Variants in CNBD1 observed in about 807,000 individuals in gnomAD.
The protein encoded by CNBD1 is cyclic nucleotide binding domain containing 1, also known as cyclic nucleotide-binding domain-containing protein 1.
In CNBD1, 71 loss-of-function variants were observed where a neutral mutation model predicts 54.4. The observed-to-expected ratio is 1.30, with a 90% CI of 1.08 to 1.59. The LOEUF (loss-of-function observed/expected upper bound fraction) is 1.59, where lower values mean the gene tolerates loss of function less well. Ranked by LOEUF, CNBD1 falls within the 40% of genes most tolerant of loss-of-function variation. The probability of loss-of-function intolerance (pLI) is 0.00; values close to 1 mark genes in which losing one functional copy is unlikely to be tolerated. For missense variants in CNBD1, 659 were observed against 518.0 expected, an observed-to-expected ratio of 1.27 and a Z score of -2.64; for synonymous variants, 182 against 170.7, an observed-to-expected ratio of 1.07 and a Z score of -0.51.
At chr8:87,385,136 G>A (rs1356851652), downstream of CNBD1, among the ~76,000 whole-genome samples, 1 of 152,096 alleles carries the variant, frequency 6.6e-6, no homozygotes. Flanking sequence ...ATAATGATGG[G>A]GGTGGAGCCA....
intron 10 of CNBD1, among the ~76,000 whole-genome samples, chr8:87,381,980 G>A (rs1811084862): frequency 6.6e-6 from 1 of 151,708 alleles, no homozygotes; most frequent in Admixed American, 6.6e-5. Context: ...AATTTGTGTT[G>A]AGGGTATATC....
chr8:87,274,571 T>C (rs1404891363), intron 6 of CNBD1, among the ~76,000 whole-genome samples: 3 of 147,032 alleles, frequency 2.0e-5, no homozygotes, highest in Non-Finnish European at 4.5e-5. Flanking sequence ...TGTCTTCTTT[T>C]GAGAAGTGTC....
chr8:87,377,780 G>C (rs1810982429), intron 10 of CNBD1, among the ~76,000 whole-genome samples: 2 of 145,958 alleles, frequency 1.4e-5, no homozygotes, highest in Non-Finnish European at 3.0e-5. Context: ...CAGTGTAAAA[G>C]TGTTCCTATT....
intron 8 of CNBD1, among the ~76,000 whole-genome samples, chr8:87,328,069 T>C (rs1305846863): frequency 6.6e-6 from 1 of 152,050 alleles, no homozygotes; most frequent in African/African-American, 2.4e-5. Context: ...GCTGCACCTA[T>C]CAACCCGTCA....
At chr8:86,960,839 C>T (rs1807911114) in intron 4 of CNBD1, among the ~76,000 whole-genome samples, 1 of 152,190 alleles carries the variant, frequency 6.6e-6, no homozygotes, top group African/African-American at 2.4e-5. Flanking sequence ...ATTTGCTGTT[C>T]TGCAGTCTCC....
chr8:87,030,968 C>G (rs1320347127), intron 4 of CNBD1, among the ~76,000 whole-genome samples: 2 of 134,030 alleles, frequency 1.5e-5, no homozygotes, highest in Non-Finnish European at 3.2e-5. Context: ...CTCCCCCCTT[C>G]TTTCTCCTTC....
chr8:87,290,123 C>T (rs945695058), intron 8 of CNBD1, among the ~76,000 whole-genome samples: 6 of 152,084 alleles, frequency 3.9e-5, no homozygotes, highest in African/African-American at 1.4e-4. Flanking sequence ...TTAAATGTGA[C>T]TCATGTAGCT....
chr8:86,991,176 A>G (rs2130527802), intron 4 of CNBD1, among the ~76,000 whole-genome samples: 1 of 152,108 alleles, frequency 6.6e-6, no homozygotes, highest in Non-Finnish European at 1.5e-5. Flanking sequence ...TTATTTCTTT[A>G]TCTTATGTGA....
At chr8:86,908,531 G>GA (rs1160096910) in intron 3 of CNBD1, among the ~76,000 whole-genome samples, 2 of 152,016 alleles carry the variant, frequency 1.3e-5, no homozygotes, top group Non-Finnish European at 2.9e-5. Context: ...GTTATGCATT[G>GA]AAAAAACTTT....
At chr8:87,159,310 T>C (rs1481588757) in intron 4 of CNBD1, among the ~76,000 whole-genome samples, 2 of 152,174 alleles carry the variant, frequency 1.3e-5, no homozygotes, top group Admixed American at 6.5e-5. Flanking sequence ...GCCCTAAAAC[T>C]GAACCCCTCA....
intron 3 of CNBD1, among the ~76,000 whole-genome samples, chr8:86,917,471 A>G (rs746826835): frequency 3.2e-4 from 49 of 152,326 alleles, no homozygotes; most frequent in Non-Finnish European, 6.3e-4. Flanking sequence ...AGTTAGTGCC[A>G]TTAGATCCAC....
At chr8:86,878,105 T>TGTGTGTGTGTGTGTGTGTGA (rs56785226) in intron 1 of CNBD1, among the ~76,000 whole-genome samples, 2 of 140,876 alleles carry the variant, frequency 1.4e-5, no homozygotes, top group African/African-American at 2.5e-5. Flanking sequence ...TGTGTGTGTG[T>TGTGTGTGTGTGTGTGTGTGA]GAGAGAGAGA....
intron 2 of CNBD1, among the ~76,000 whole-genome samples, chr8:87,410,230 A>C (rs1807718408): frequency 6.6e-6 from 1 of 152,138 alleles, no homozygotes; most frequent in South Asian, 2.1e-4. Flanking sequence ...CTGCTACCAC[A>C]ACATTTATTC....
intron 8 of CNBD1, among the ~76,000 whole-genome samples, chr8:87,321,292 C>T (rs1325056663): frequency 6.6e-6 from 1 of 152,274 alleles, no homozygotes; most frequent in East Asian, 1.9e-4. Flanking sequence ...CGCATTATCA[C>T]CAACAGTATG....
intron 4 of CNBD1, among the ~76,000 whole-genome samples, chr8:87,127,356 A>G (rs1317193446): frequency 6.6e-6 from 1 of 152,038 alleles, no homozygotes; most frequent in Non-Finnish European, 1.5e-5. Context: ...TTAGTTTTTA[A>G]TGTTTAAGTC....
At chr8:87,421,604 C>T (rs1397840177) in intron 2 of CNBD1, among the ~76,000 whole-genome samples, 2 of 152,006 alleles carry the variant, frequency 1.3e-5, no homozygotes, top group Admixed American at 1.3e-4. Flanking sequence ...AGGACATGAA[C>T]TCATCATTTT....
intron 4 of CNBD1, among the ~76,000 whole-genome samples, chr8:86,993,134 G>T (rs1808790489): frequency 6.6e-6 from 1 of 151,866 alleles, no homozygotes; most frequent in African/African-American, 2.4e-5. Flanking sequence ...AATATTTCTT[G>T]GAGATTTTAT....
intron 4 of CNBD1, among the ~76,000 whole-genome samples, chr8:87,192,211 A>T (rs1260844394): frequency 6.6e-6 from 1 of 152,146 alleles, no homozygotes; most frequent in African/African-American, 2.4e-5. Context: ...TCTAGATTTG[A>T]TGATGTTTTA....
At chr8:87,389,201 T>G (rs558679369) in intron 2 of CNBD1, among the ~76,000 whole-genome samples, 1 of 152,320 alleles carries the variant, frequency 6.6e-6, no homozygotes, top group African/African-American at 2.4e-5. Flanking sequence ...AAGACAGGGA[T>G]GCCCTCTCTC....
Sources: allele counts gnomAD v4.1 joint callset (sites outside exome capture counted in the v4.1 genomes callset), GRCh38; gene constraint gnomAD v4.1.1; transcripts MANE v1.5; gene names NCBI Gene and HGNC (gene_info 2026-07-23, HGNC 2026-07-21).